The following RAP1GAP2 variants were observed in gnomAD, a reference collection of about 807,000 sequenced individuals.
RAP1GAP2 encodes the protein rap1 GTPase-activating protein 2.
A neutral mutation model predicts 95.0 loss-of-function variants in RAP1GAP2; 27 were observed. The observed-to-expected ratio is 0.28, with a 90% CI of 0.21 to 0.39. RAP1GAP2 has a LOEUF of 0.39. RAP1GAP2 is among the 10% of genes least tolerant of loss of function. RAP1GAP2 has a pLI of 1.00. For synonymous variants in RAP1GAP2, 373 were observed against 380.9 expected (o/e 0.98, Z 0.24); for missense variants, 771 against 970.0 (o/e 0.79, Z 2.72).
chr17:2,950,658 T>C (rs1364399066), intron 3 of RAP1GAP2, among the ~76,000 whole-genome samples: 1 of 142,684 alleles, frequency 7.0e-6, no homozygotes, highest in Non-Finnish European at 1.5e-5. Flanking sequence ...TCACCCAGGC[T>C]GAAGGGCAAT....
At chr17:2,781,607 G>C (rs71359180) in intron 1 of RAP1GAP2, among the ~76,000 whole-genome samples, 6,123 of 104,394 alleles carry the variant, frequency 0.059, 114 homozygotes, top group Non-Finnish European at 0.066. Context: ...TGTGTGTGCA[G>C]GTCTCTGTGT....
At chr17:2,760,292 CAAA>C (rs374784170) in intron 1 of RAP1GAP2, among the ~76,000 whole-genome samples, 2,003 of 58,808 alleles carry the variant, frequency 0.034, 4 homozygotes, top group East Asian at 0.081. Flanking sequence ...GACTCTGTCT[CAAA>C]AAAAAAAAAA....
rs892946016 is a variant in RAP1GAP2, at chr17:3,026,594, G to A, written c.1980+130G>A. On this transcript the variant is annotated intron_variant, in intron 21 of 24. Transcript: ENST00000254695. ...CAGAGGAAAGGGGAAGAATGGAAACGAGAGGTGGGCTCGTTGGCCATCACC... is the reference window on the plus strand; with the variant it reads ...CAGAGGAAAGGGGAAGAATGGAAACAAGAGGTGGGCTCGTTGGCCATCACC... 18 of 866,304 alleles carry A rather than the reference G, an allele frequency of 2.1e-5. No individual in the cohort carries two copies. In the Admixed American group the frequency reaches 3.4e-4, roughly 16 times the overall value. 53.7% of individuals were successfully genotyped at this position (866,304 alleles called of 1,614,324 possible). A position where few individuals can be genotyped will look rare whatever the true frequency, so the allele number is the denominator to read the frequency against.
In RAP1GAP2 at chr17:2,827,564, T is replaced by C. The variant is rs2070625864; in HGVS notation, c.80+27014T>C. On this transcript the variant is annotated intron_variant, in intron 2 of 24. Transcript: ENST00000254695. The surrounding 1 kb of genome is among the most constrained non-coding windows in gnomAD (Gnocchi z 4.1). Reference sequence around the variant, plus strand: ...GGCTCATGCCTGTAATCCCAGCACTTTGGGAGGCCAAGGCGGGTGGATCAC... The same window carrying C: ...GGCTCATGCCTGTAATCCCAGCACTCTGGGAGGCCAAGGCGGGTGGATCAC... Among the ~76,000 whole-genome samples, 1 of 151,982 alleles carries C rather than the reference T, an allele frequency of 6.6e-6. No individual in the cohort carries two copies. The highest frequency in any genetic ancestry group is 1.5e-5 in the Non-Finnish European group (1 of 67,986).
intron 1 of RAP1GAP2, among the ~76,000 whole-genome samples, chr17:2,756,595 A>G (rs1013558252): frequency 1.3e-5 from 2 of 152,200 alleles, no homozygotes; most frequent in African/African-American, 4.8e-5. Context: ...GAGGACTCCA[A>G]GATTCAAAAG....
chr17:2,764,249 T>C (rs940740725), intron 1 of RAP1GAP2, among the ~76,000 whole-genome samples: 1 of 148,220 alleles, frequency 6.7e-6, no homozygotes, highest in African/African-American at 2.5e-5. Flanking sequence ...CTGGCCAACA[T>C]GGTGTAACCC....
chr17:2,852,639 C>T (rs2071910646), intron 2 of RAP1GAP2, among the ~76,000 whole-genome samples: 1 of 152,248 alleles, frequency 6.6e-6, no homozygotes, highest in African/African-American at 2.4e-5. Context: ...CAAATTGCCT[C>T]AGGGGGAACC....
chr17:3,032,484 G>A (rs1483457641), intron 24 of RAP1GAP2, 35 bp downstream of exon 24: 4 of 1,593,412 alleles, frequency 2.5e-6, no homozygotes, highest in Non-Finnish European at 3.4e-6. Context: ...TGGCCGTGAG[G>A]GGGGACGTGT....
intron 3 of RAP1GAP2, among the ~76,000 whole-genome samples, chr17:2,914,367 T>C (rs2042496524): frequency 6.6e-6 from 1 of 152,228 alleles, no homozygotes; most frequent in Non-Finnish European, 1.5e-5. Context: ...TGACTAATGA[T>C]GTTGAATATT....
intron 1 of RAP1GAP2, among the ~76,000 whole-genome samples, chr17:2,789,350 A>G (rs1234628263): frequency 6.6e-6 from 1 of 152,184 alleles, no homozygotes; most frequent in Admixed American, 6.5e-5. Context: ...GGCCGGCATT[A>G]TCAAATTTTT....
At chr17:2,771,658 T>G (rs2068401401) in intron 2 of RAP1GAP2, among the ~76,000 whole-genome samples, 1 of 151,844 alleles carries the variant, frequency 6.6e-6, no homozygotes, top group South Asian at 2.1e-4. Flanking sequence ...CCTGGCTAAT[T>G]TTTGTATTTT....
chr17:2,877,078 G>C (rs2073126804), intron 2 of RAP1GAP2, among the ~76,000 whole-genome samples: 1 of 151,762 alleles, frequency 6.6e-6, no homozygotes, highest in Admixed American at 6.6e-5. Flanking sequence ...TAGTAGAGAC[G>C]GGGTTTCTCC....
chr17:2,928,958 G>A (rs1175892112), intron 3 of RAP1GAP2, among the ~76,000 whole-genome samples: 3 of 152,134 alleles, frequency 2.0e-5, no homozygotes, highest in African/African-American at 7.2e-5. Context: ...AGCTGTCTGG[G>A]TTCAGTGGCT....
chr17:2,767,916 A>G (rs576211235), intron 1 of RAP1GAP2, among the ~76,000 whole-genome samples: 12 of 152,000 alleles, frequency 7.9e-5, no homozygotes, highest in Non-Finnish European at 1.6e-4. Context: ...TTGTATTTTT[A>G]GCAAACGAGG....
Position 2,857,225 on chromosome 17 carries a change from T to C in RAP1GAP2, c.81-48059T>C, listed in dbSNP as rs2072179418. Among the ~76,000 whole-genome samples the C allele has an allele frequency of 6.6e-6, 1 of 152,230 alleles. No homozygotes were observed. On this transcript the variant is annotated intron_variant, in intron 2 of 24. Transcript: ENST00000254695. The surrounding 1 kb of genome is among the most constrained non-coding windows in gnomAD (Gnocchi z 4.0). ...TGACAGGCTTGTGCAGATAACACTGTTGGCTCTTAGCCTTAAGGGTTGAAA... is the reference window on the plus strand; with the variant it reads ...TGACAGGCTTGTGCAGATAACACTGCTGGCTCTTAGCCTTAAGGGTTGAAA...
In RAP1GAP2 at chr17:3,003,606, C is replaced by T. The variant is rs1169466970; in HGVS notation, c.1201-1763C>T. Among the ~76,000 whole-genome samples the T allele has an allele frequency of 1.3e-5, 2 of 152,218 alleles. No homozygotes were observed. Among genetic ancestry groups the T allele is most frequent in the Admixed American group, 6.5e-5 (1 of 15,288 alleles). On this transcript the variant is annotated intron_variant, in intron 14 of 24. Transcript: ENST00000254695. The surrounding 1 kb of genome is among the most constrained non-coding windows in gnomAD (Gnocchi z 4.1). ...GTTCCCAGTGCATCCTCATGACCCACACCAAGCTCCTTCCTCCTTCCAGCC... is the reference window on the plus strand; with the variant it reads ...GTTCCCAGTGCATCCTCATGACCCATACCAAGCTCCTTCCTCCTTCCAGCC...
chr17:3,018,814 C>T (rs1266249153), intron 18 of RAP1GAP2, among the ~76,000 whole-genome samples: 1 of 152,168 alleles, frequency 6.6e-6, no homozygotes, highest in Admixed American at 6.5e-5. Flanking sequence ...CCTGGAATCC[C>T]AGCACTTTGG....
At chr17:2,842,486 C>T (rs1364309548) in intron 2 of RAP1GAP2, among the ~76,000 whole-genome samples, 8 of 144,532 alleles carry the variant, frequency 5.5e-5, no homozygotes, top group African/African-American at 1.5e-4. Context: ...GCCGAGATCG[C>T]GCTACTGCAC....
intron 3 of RAP1GAP2, among the ~76,000 whole-genome samples, chr17:2,953,416 C>T (rs757293720): frequency 6.6e-6 from 1 of 152,170 alleles, no homozygotes; most frequent in Non-Finnish European, 1.5e-5. Context: ...ATTTCCTCCA[C>T]CCCTCAACTT....
Sources: gnomAD v4.1 joint callset for allele counts (sites outside exome capture counted in the v4.1 genomes callset) on GRCh38, gnomAD v4.1.1 for gene constraint, Gnocchi (gnomAD v3.1) non-coding constraint, MANE v1.5 for transcripts, NCBI Gene and HGNC (gene_info 2026-07-23, HGNC 2026-07-21) for gene names.